ERC1: variants seen among roughly 807,000 people sequenced by gnomAD.
The protein encoded by ERC1 is RAB6 interacting protein 2.
A neutral mutation model predicts 132.0 loss-of-function variants in ERC1; 56 were observed. The ratio of observed to expected loss-of-function variants is 0.42; its 90% CI spans 0.34 to 0.53. ERC1 has a LOEUF of 0.53. Ranked by LOEUF, ERC1 falls within the 20% of genes least tolerant of loss-of-function variation. ERC1 has a pLI of 0.03. For synonymous variants in ERC1, 478 were observed against 476.1 expected (o/e 1.00, Z -0.05); for missense variants, 1,202 against 1,349.9 (o/e 0.89, Z 1.72).
chr12:1,470,548 G>A (rs141702682), intron 18 of ERC1, among the ~76,000 whole-genome samples: 14 of 151,784 alleles, frequency 9.2e-5, no homozygotes, highest in South Asian at 6.3e-4. Context: ...CTGTGTCTGC[G>A]ATTCCCAGAG....
chr12:1,443,261 T>TC (rs1428371047), intron 17 of ERC1: 1 of 152,080 alleles, frequency 6.6e-6, no homozygotes. Flanking sequence ...TTTTCTTTTT[T>TC]CCCCCAATTT....
chr12:1,014,737 G>A (rs1305589755), intron 1 of ERC1, among the ~76,000 whole-genome samples: 2 of 151,954 alleles, frequency 1.3e-5, no homozygotes, highest in Admixed American at 6.6e-5. Context: ...CTTAGATATA[G>A]ATATTTACTT....
chr12:1,391,111 C>G (rs1044696029), intron 16 of ERC1: 5 of 152,210 alleles, frequency 3.3e-5, no homozygotes, highest in Non-Finnish European at 7.3e-5. Context: ...CTTCCTGGTT[C>G]TTGGGATGTT....
chr12:1,447,092 A>G (rs897730034), intron 18 of ERC1, among the ~76,000 whole-genome samples: 3 of 152,126 alleles, frequency 2.0e-5, no homozygotes, highest in Admixed American at 2.0e-4. Context: ...ATTGATAACC[A>G]TATACTAAAA....
At position 1,371,924 on chromosome 12, in the gene ERC1, G is replaced by A; in HGVS notation, c.2872G>A (p.Val958Met). 1 of 1,614,170 alleles carries A rather than the reference G, an allele frequency of 6.2e-7. No individual in the cohort carries two copies. Residue 958 changes from valine to methionine, a missense_variant, in exon 16 of 19, where the codon GTG (valine) becomes ATG (methionine). Coordinates refer to ENST00000360905, the MANE Select transcript of ERC1 (RefSeq NM_178040.4). ...SSSKKKTQEE[V>M]AALKREKDRL... is the part of the protein sequence containing the mutation. ...CTCTAAGAAGAAGACCCAAGAGGAA[G>A]TGGCTGCCCTGAAGCGGGAGAAGGA...
intron 2 of ERC1, among the ~76,000 whole-genome samples, chr12:1,047,684 G>A (rs1413717041): frequency 1.3e-5 from 2 of 152,240 alleles, no homozygotes; most frequent in East Asian, 3.9e-4. Flanking sequence ...TAGAAGTTTA[G>A]TGGCTACACT....
chr12:1,176,558 TTTTC>T (rs1214519454), intron 8 of ERC1, among the ~76,000 whole-genome samples: 1 of 152,030 alleles, frequency 6.6e-6, no homozygotes, highest in Non-Finnish European at 1.5e-5. Flanking sequence ...TGAAGCTTTG[TTTTC>T]TTTGTTTTTT....
At position 1,083,063 on chromosome 12, in the gene ERC1, T is replaced by A. The variant is rs1942460170; in HGVS notation, c.670-101T>A. On this transcript the variant is annotated intron_variant, in intron 2 of 18. Transcript: ENST00000360905. ...ATAAGGTGAATCCTAATTTGCTAGA[T>A]GCAGATTTCTTGTAGCTATTTTTGA... The A allele has an allele frequency of 3.2e-6, 3 of 950,866 alleles. No homozygotes were observed. The African/African-American group carries it at 4.9e-5, about 16-fold the overall frequency. The allele number at this position is 950,866 out of a possible 1,614,324, so 58.9% of individuals were successfully genotyped here. A position where few individuals can be genotyped will look rare whatever the true frequency, so the allele number is the denominator to read the frequency against.
At chr12:1,033,044 T>A (rs1968357384) in intron 2 of ERC1, among the ~76,000 whole-genome samples, 1 of 151,422 alleles carries the variant, frequency 6.6e-6, no homozygotes, top group Non-Finnish European at 1.5e-5. Flanking sequence ...GGCTAATTTT[T>A]TTTTTTTTTG....
At chr12:1,111,071 G>A (rs970787161) in intron 5 of ERC1, among the ~76,000 whole-genome samples, 3 of 152,018 alleles carry the variant, frequency 2.0e-5, no homozygotes, top group South Asian at 2.1e-4. Flanking sequence ...GTTCTGTAAC[G>A]GAAAGCCCTT....
rs984279248 is a variant in ERC1 at position 1,176,220 on chromosome 12, G to A, written c.1738-4320G>A. On this transcript the variant is annotated intron_variant, in intron 8 of 18. Transcript: ENST00000360905. ...GAGGTGCAGAATGGATGTTATATTA[G>A]CAGGCATAAGAAAAACATGAATCTC... is the stretch of plus-strand genomic sequence containing the variant. 3.3e-5 allele frequency among the ~76,000 whole-genome samples: 5 copies of A among 152,176 alleles called. No homozygotes were observed. In the East Asian group the frequency reaches 7.7e-4, roughly 23 times the overall value.
At chr12:1,418,627 C>T (rs2092267356) in intron 17 of ERC1, among the ~76,000 whole-genome samples, 1 of 119,428 alleles carries the variant, frequency 8.4e-6, no homozygotes, top group African/African-American at 4.3e-5. Context: ...TTCTTTCTTT[C>T]TTTCTTTCTT....
At chr12:1,481,674 A>G (rs2094094707) in intron 18 of ERC1, among the ~76,000 whole-genome samples, 1 of 152,196 alleles carries the variant, frequency 6.6e-6, no homozygotes, top group Non-Finnish European at 1.5e-5. Context: ...TCCTTCTCTA[A>G]ACTTTTCGAT....
At chr12:1,030,560 C>CA (rs773136292) in intron 2 of ERC1, among the ~76,000 whole-genome samples, 28 of 151,572 alleles carry the variant, frequency 1.8e-4, no homozygotes, top group Non-Finnish European at 3.1e-4. Context: ...CCTGTCTTTG[C>CA]AAAAAAATAG....
intron 18 of ERC1, among the ~76,000 whole-genome samples, chr12:1,477,294 C>G (rs1228510367): frequency 6.6e-6 from 1 of 152,174 alleles, no homozygotes; most frequent in African/African-American, 2.4e-5. Flanking sequence ...TAGAATAATA[C>G]TTGGCCCATA....
intron 14 of ERC1, among the ~76,000 whole-genome samples, chr12:1,288,117 G>A (rs981085458): frequency 6.6e-6 from 1 of 152,118 alleles, no homozygotes; most frequent in East Asian, 1.9e-4. Flanking sequence ...CTGATTTTAT[G>A]TTATAAAAAC....
chr12:991,172 G>C (rs1207785757), upstream of ERC1: 4 of 142,274 alleles, frequency 2.8e-5, no homozygotes, highest in African/African-American at 1.1e-4. Flanking sequence ...CCGCGGCGGG[G>C]CTGGGGGCGG....
At chr12:1,196,884 GTCTGTCTCTC>G (rs1182173795) in intron 12 of ERC1, among the ~76,000 whole-genome samples, 1 of 83,874 alleles carries the variant, frequency 1.2e-5, no homozygotes, top group Non-Finnish European at 2.6e-5. Flanking sequence ...CTCTCTGTCT[GTCTGTCTCTC>G]TCTGTCTCTC....
intron 14 of ERC1, among the ~76,000 whole-genome samples, chr12:1,279,297 C>T (rs1345627102): frequency 6.6e-6 from 1 of 152,084 alleles, no homozygotes. Context: ...GGAAATAACC[C>T]CATGACATAG....
Sources: allele counts gnomAD v4.1 joint callset (sites outside exome capture counted in the v4.1 genomes callset), GRCh38; gene constraint gnomAD v4.1.1; transcripts MANE v1.5; gene names NCBI Gene and HGNC (gene_info 2026-07-23, HGNC 2026-07-21).